KCNU1: variants seen among roughly 807,000 people sequenced by gnomAD.
The protein encoded by KCNU1 is potassium calcium-activated channel subfamily U member 1.
Under a neutral mutation model 126.8 loss-of-function variants are expected in KCNU1, and 93 were observed. The ratio of observed to expected loss-of-function variants is 0.73; its 90% CI spans 0.62 to 0.87. The LOEUF (loss-of-function observed/expected upper bound fraction) is 0.87, where lower values mean the gene tolerates loss of function less well. Among genes scored for constraint, KCNU1 ranks in the 40% least tolerant of loss-of-function variants. KCNU1 has a pLI of 0.00. For synonymous variants in KCNU1, 523 were observed against 494.2 expected (o/e 1.06, Z -0.77); for missense variants, 1,330 against 1,367.1 (o/e 0.97, Z 0.43).
intron 19 of KCNU1, among the ~76,000 whole-genome samples, chr8:36,900,071 C>T (rs1158507420): frequency 6.6e-6 from 1 of 152,122 alleles, no homozygotes; most frequent in Non-Finnish European, 1.5e-5. Flanking sequence ...ACGTATGTCA[C>T]ATCCCATGAG....
chr8:36,882,578 A>G (rs1806528147), intron 19 of KCNU1, among the ~76,000 whole-genome samples: 1 of 151,988 alleles, frequency 6.6e-6, no homozygotes. Flanking sequence ...CTGATACATA[A>G]ACATTTCACT....
intron 26 of KCNU1, among the ~76,000 whole-genome samples, chr8:36,934,523 T>A (rs912117506): frequency 5.9e-5 from 9 of 152,030 alleles, no homozygotes; most frequent in African/African-American, 2.2e-4. Flanking sequence ...ACATGATAAC[T>A]GGGAAAATAT....
At chr8:36,817,461 T>C (rs187697373) in intron 9 of KCNU1, among the ~76,000 whole-genome samples, 189 bp from the exon 10 acceptor site, 6 of 130,334 alleles carry the variant, frequency 4.6e-5, no homozygotes, top group African/African-American at 1.8e-4. Flanking sequence ...ATCACACCAT[T>C]GCACTCCAGC....
chr8:36,805,427 A>T (rs958893937), intron 4 of KCNU1, 142 bp downstream of exon 4: 3 of 580,820 alleles, frequency 5.2e-6, no homozygotes, highest in Non-Finnish European at 9.3e-6. Context: ...TGTTAAATAT[A>T]TACTGATCCC....
At chr8:36,818,934 A>T (rs867692928) in intron 10 of KCNU1, among the ~76,000 whole-genome samples, 4 of 152,324 alleles carry the variant, frequency 2.6e-5, no homozygotes, top group Middle Eastern at 6.8e-3. Flanking sequence ...GTTAGAAAAC[A>T]GTAAAAACAA....
At chr8:36,915,887 T>G (rs1808081215) in intron 22 of KCNU1, among the ~76,000 whole-genome samples, 1 of 151,566 alleles carries the variant, frequency 6.6e-6, no homozygotes, top group Admixed American at 6.6e-5. Flanking sequence ...GGACTGTACA[T>G]AGTTCTATCA....
At chr8:36,864,366 A>G (rs1805828098) in intron 18 of KCNU1, 38 bp from the exon 19 acceptor site, 1 of 1,194,454 alleles carries the variant, frequency 8.4e-7, no homozygotes, top group South Asian at 1.2e-5. Flanking sequence ...CCTTGTGAAG[A>G]GATGTGCCAA....
In KCNU1 at chr8:36,859,121, A is replaced by G. The variant is rs62490701; in HGVS notation, c.1892-5283A>G. Among the ~76,000 whole-genome samples the G allele has an allele frequency of 9.3e-4, 141 of 152,292 alleles. 1 individual carries two copies. Among genetic ancestry groups the G allele is most frequent in the Non-Finnish European group, 1.8e-3 (123 of 68,022 alleles). On this transcript the variant is annotated intron_variant, in intron 18 of 26. Transcript: ENST00000399881. ...TCACAGGTCAATGGCTTGGTGTGTCAATTTGAATCTGGAGATCCTGGTTCT... is the reference window on the plus strand; with the variant it reads ...TCACAGGTCAATGGCTTGGTGTGTCGATTTGAATCTGGAGATCCTGGTTCT...
chr8:36,813,635 G>GA (rs375610191), intron 7 of KCNU1, among the ~76,000 whole-genome samples: 2 of 148,784 alleles, frequency 1.3e-5, no homozygotes, highest in Non-Finnish European at 1.5e-5. Context: ...AAGACTCAAA[G>GA]AAAAAATCAG....
intron 19 of KCNU1, among the ~76,000 whole-genome samples, chr8:36,876,191 A>G (rs1037923718): frequency 4.6e-5 from 7 of 152,158 alleles, no homozygotes; most frequent in African/African-American, 1.7e-4. Flanking sequence ...AGGCCGACAC[A>G]GGACAAGTTC....
Position 36,836,283 on chromosome 8 carries a change from G to T in KCNU1, c.1296-13G>T. 1 of 1,565,238 alleles carries T rather than the reference G, an allele frequency of 6.4e-7. No individual in the cohort carries two copies. Among genetic ancestry groups the T allele is most frequent in the Non-Finnish European group, 8.8e-7 (1 of 1,136,582 alleles). ...TGACACATGACTAATGAGAGTGTTT[G>T]GGGTTTATATAGGGTGCTCTCTATC... On this transcript the variant is annotated splice_polypyrimidine_tract_variant and intron_variant, in intron 12 of 26. Transcript: ENST00000399881.
intron 2 of KCNU1, among the ~76,000 whole-genome samples, chr8:36,796,774 A>G (rs1319925251): frequency 2.6e-5 from 4 of 152,104 alleles, no homozygotes; most frequent in African/African-American, 9.7e-5. Context: ...CTTCTTAAGT[A>G]TGTCTCTTGG....
chr8:36,858,719 G>A (rs1297789778), intron 18 of KCNU1, among the ~76,000 whole-genome samples: 2 of 152,108 alleles, frequency 1.3e-5, no homozygotes, highest in African/African-American at 4.8e-5. Context: ...AGTTGCTCTA[G>A]TATAAATGCT....
At chr8:36,894,315 T>A (rs920964424) in intron 19 of KCNU1, among the ~76,000 whole-genome samples, 3 of 152,134 alleles carry the variant, frequency 2.0e-5, no homozygotes, top group African/African-American at 7.2e-5. Context: ...AATTATAAAA[T>A]TTTAAAAGAA....
intron 19 of KCNU1, among the ~76,000 whole-genome samples, chr8:36,894,042 A>C (rs1163794124): frequency 6.6e-6 from 1 of 152,054 alleles, no homozygotes; most frequent in African/African-American, 2.4e-5. Context: ...TTCATGAAAA[A>C]ATTTTCGATT....
intron 2 of KCNU1, among the ~76,000 whole-genome samples, chr8:36,789,411 G>C (rs1374643173): frequency 1.3e-5 from 2 of 151,818 alleles, no homozygotes; most frequent in African/African-American, 4.8e-5. Flanking sequence ...GTCTCTTAGA[G>C]ATCCCAAGTA....
intron 18 of KCNU1, among the ~76,000 whole-genome samples, chr8:36,862,108 A>T (rs1805751879): frequency 6.6e-6 from 1 of 152,152 alleles, no homozygotes; most frequent in Admixed American, 6.5e-5. Context: ...AGTCTAGCTA[A>T]AGTGTTAGGA....
intron 19 of KCNU1, chr8:36,888,909 C>A (rs751838499): frequency 7.4e-6 from 3 of 407,290 alleles, no homozygotes; most frequent in Non-Finnish European, 1.5e-5. Context: ...GATAGGGTCT[C>A]GCTCTGTCAC....
chr8:36,908,668 T>C (rs1445141941), intron 20 of KCNU1, among the ~76,000 whole-genome samples: 1 of 151,998 alleles, frequency 6.6e-6, no homozygotes, highest in African/African-American at 2.4e-5. Flanking sequence ...GGAAATTAAA[T>C]TTTTATAATA....
Sources: gnomAD v4.1 joint callset for allele counts (sites outside exome capture counted in the v4.1 genomes callset) on GRCh38, gnomAD v4.1.1 for gene constraint, MANE v1.5 for transcripts, NCBI Gene and HGNC (gene_info 2026-07-23, HGNC 2026-07-21) for gene names.